The following SHISA9 variants were observed in gnomAD, a reference collection of about 807,000 sequenced individuals.
SHISA9 encodes protein shisa-9.
Under a neutral mutation model 38.0 loss-of-function variants are expected in SHISA9, and 13 were observed. The observed-to-expected ratio is 0.34, with a 90% CI of 0.22 to 0.54. The LOEUF is 0.54. Ranked by LOEUF, SHISA9 falls within the 20% of genes least tolerant of loss-of-function variation. SHISA9 has a pLI of 0.91. For missense variants in SHISA9, 538 were observed against 575.8 expected (o/e 0.93, Z 0.67); for synonymous variants, 275 against 242.0 (o/e 1.14, Z -1.27).
chr16:13,091,462 A>T (rs2073774252), intron 2 of SHISA9, among the ~76,000 whole-genome samples: 1 of 152,104 alleles, frequency 6.6e-6, no homozygotes, highest in African/African-American at 2.4e-5. Flanking sequence ...TGATCTTTTC[A>T]TGTAGTCCCA....
At chr16:13,448,631 G>T in the SHISA9 span, among the ~76,000 whole-genome samples, 1 of 152,194 alleles carries the variant, frequency 6.6e-6, no homozygotes, top group Admixed American at 6.5e-5. Flanking sequence ...TCTCATTGAT[G>T]GCTCCAGATG....
the SHISA9 span, among the ~76,000 whole-genome samples, chr16:13,292,109 A>G: frequency 6.6e-6 from 1 of 151,478 alleles, no homozygotes; most frequent in Non-Finnish European, 1.5e-5. Context: ...GCAGAGACCA[A>G]GTGTGGAGAC....
At chr16:13,157,443 C>A (rs980017829) in intron 2 of SHISA9, among the ~76,000 whole-genome samples, 2 of 152,190 alleles carry the variant, frequency 1.3e-5, no homozygotes, top group Non-Finnish European at 2.9e-5. Context: ...TTTGCTGTAA[C>A]TGGACAAGTT....
At chr16:13,544,853 G>C in the SHISA9 span, among the ~76,000 whole-genome samples, 1 of 152,116 alleles carries the variant, frequency 6.6e-6, no homozygotes, top group African/African-American at 2.4e-5. Context: ...TGAGGCAGGA[G>C]AATCACTTAA....
chr16:12,978,244 TC>T (rs2072191688), intron 2 of SHISA9, among the ~76,000 whole-genome samples: 1 of 152,188 alleles, frequency 6.6e-6, no homozygotes, highest in Non-Finnish European at 1.5e-5. Flanking sequence ...TATAGAATCA[TC>T]CAACAGCTTA....
the SHISA9 span, among the ~76,000 whole-genome samples, chr16:13,457,394 C>G: frequency 6.6e-6 from 1 of 152,134 alleles, no homozygotes; most frequent in Non-Finnish European, 1.5e-5. Flanking sequence ...CTCTCTTGAA[C>G]TTCCAGTTCA....
chr16:13,257,969 C>A, the SHISA9 span, among the ~76,000 whole-genome samples: 2 of 152,180 alleles, frequency 1.3e-5, no homozygotes, highest in African/African-American at 4.8e-5. Context: ...GACCAGACTT[C>A]TCAGTATGCC....
At chr16:13,025,909 G>A (rs1449825691) in intron 2 of SHISA9, among the ~76,000 whole-genome samples, 8 of 152,090 alleles carry the variant, frequency 5.3e-5, no homozygotes, top group South Asian at 4.2e-4. Context: ...AGGTTCAAGC[G>A]ATTCTCCTGC....
At chr16:13,554,175 T>G in the SHISA9 span, among the ~76,000 whole-genome samples, 1 of 151,962 alleles carries the variant, frequency 6.6e-6, no homozygotes, top group African/African-American at 2.4e-5. Context: ...AGTCTCTTCC[T>G]CACCTCCAGG....
At chr16:13,487,291 C>T in the SHISA9 span, among the ~76,000 whole-genome samples, 8 of 152,258 alleles carry the variant, frequency 5.3e-5, no homozygotes, top group African/African-American at 1.7e-4. Context: ...GAGAAATACC[C>T]GAGACTCGGT....
At chr16:13,428,063 G>A in the SHISA9 span, among the ~76,000 whole-genome samples, 107,759 of 152,080 alleles carry the variant, frequency 0.71, 38,360 homozygotes, top group East Asian at 0.81. Flanking sequence ...AATTTTCTAG[G>A]TTGAATTTGT....
intron 2 of SHISA9, among the ~76,000 whole-genome samples, chr16:13,093,971 G>C (rs2073801006): frequency 6.6e-6 from 1 of 151,974 alleles, no homozygotes; most frequent in Admixed American, 6.6e-5. Flanking sequence ...CCACCATTCT[G>C]CCTGCGTCCC....
At chr16:13,434,419 G>GTTGTTTTTTTTTTTT in the SHISA9 span, among the ~76,000 whole-genome samples, 3 of 64,564 alleles carry the variant, frequency 4.6e-5, no homozygotes, top group Admixed American at 3.7e-4. Context: ...GACAAGCTAT[G>GTTGTTTTTTTTTTTT]TTTTTTTTTT....
At chr16:13,511,307 G>A in the SHISA9 span, among the ~76,000 whole-genome samples, 3 of 152,100 alleles carry the variant, frequency 2.0e-5, no homozygotes, top group Admixed American at 6.6e-5. Context: ...ACAAAGAAGC[G>A]GAAATACCCA....
the SHISA9 span, among the ~76,000 whole-genome samples, chr16:13,536,477 T>C: frequency 2.0e-5 from 3 of 152,232 alleles, no homozygotes; most frequent in Non-Finnish European, 2.9e-5. Flanking sequence ...CAGAACATTG[T>C]AGACTCTCAG....
chr16:12,935,466 A>T (rs904146884), intron 2 of SHISA9, among the ~76,000 whole-genome samples: 5 of 152,166 alleles, frequency 3.3e-5, no homozygotes, highest in Non-Finnish European at 5.9e-5. Flanking sequence ...CTAACTAGGC[A>T]TAATAATGAA....
the SHISA9 span, among the ~76,000 whole-genome samples, chr16:13,546,513 A>T: frequency 2.0e-5 from 3 of 152,196 alleles, no homozygotes; most frequent in Non-Finnish European, 4.4e-5. Context: ...GTAAGTCATT[A>T]CCTATCAATA....
chr16:13,413,961 A>T, the SHISA9 span, among the ~76,000 whole-genome samples: 1 of 152,130 alleles, frequency 6.6e-6, no homozygotes, highest in Non-Finnish European at 1.5e-5. Context: ...AACCGTAGCA[A>T]TGGCTGGAAC....
chr16:13,146,364 TTTTAATTTTTGTG>T (rs1445683355), intron 2 of SHISA9, among the ~76,000 whole-genome samples: 1 of 152,194 alleles, frequency 6.6e-6, no homozygotes. Flanking sequence ...TTTTATTTTT[TTTTAATTTTTGTG>T]TTTAATTTTT....
Sources: gnomAD v4.1 joint callset for allele counts (sites outside exome capture counted in the v4.1 genomes callset) on GRCh38, gnomAD v4.1.1 for gene constraint, MANE v1.5 for transcripts, NCBI Gene and HGNC (gene_info 2026-07-23, HGNC 2026-07-21) for gene names.